CCDC85A: variants seen among roughly 807,000 people sequenced by gnomAD.
CCDC85A encodes the protein coiled-coil domain containing 85A.
Under a neutral mutation model 50.2 loss-of-function variants are expected in CCDC85A, and 38 were observed. The ratio of observed to expected loss-of-function variants is 0.76; its 90% CI spans 0.58 to 0.99. CCDC85A has a LOEUF of 0.99. Among genes scored for constraint, CCDC85A ranks in the 50% least tolerant of loss-of-function variants. The probability of loss-of-function intolerance (pLI) is 0.00; values close to 1 mark genes in which losing one functional copy is unlikely to be tolerated. For missense variants in CCDC85A, 820 were observed against 742.0 expected (o/e 1.11, Z -1.22); for synonymous variants, 366 against 301.4 (o/e 1.21, Z -2.22).
At chr2:56,281,430 A>T (rs1398652963) in intron 2 of CCDC85A, among the ~76,000 whole-genome samples, 1 of 152,084 alleles carries the variant, frequency 6.6e-6, no homozygotes, top group East Asian at 1.9e-4. Context: ...TTTCTTCTGG[A>T]TGAGTACCTA....
chr2:56,199,215 C>G (rs574601954), intron 2 of CCDC85A, among the ~76,000 whole-genome samples: 3 of 152,188 alleles, frequency 2.0e-5, no homozygotes, highest in Admixed American at 2.0e-4. Context: ...GAATCAGACA[C>G]GTGAATACAA....
rs745748982 is a variant in CCDC85A at position 56,193,292 on chromosome 2, A to G, written c.1092A>G (p.Gln364=). 9 of 1,613,654 alleles carry G rather than the reference A, an allele frequency of 5.6e-6. No homozygotes were observed. The highest frequency in any genetic ancestry group is 4.5e-5 in the East Asian group (2 of 44,874). ...ARGTSPEHLK[Q]HYGGSPDHKH... Reference sequence around the variant, plus strand: ...GCACCAGCCCGGAGCACCTCAAACAACATTATGGAGGGAGCCCTGATCACA... The same window carrying G: ...GCACCAGCCCGGAGCACCTCAAACAGCATTATGGAGGGAGCCCTGATCACA... Residue 364 remains glutamine, a synonymous_variant, in exon 2 of 6, where the codon CAA becomes CAG. Transcript: ENST00000407595.
At chr2:56,305,563 C>G (rs922656980) in intron 2 of CCDC85A, among the ~76,000 whole-genome samples, 8 of 152,220 alleles carry the variant, frequency 5.3e-5, no homozygotes, top group Admixed American at 5.2e-4. Context: ...GGCAAGGGCA[C>G]AGCCCATAGA....
chr2:56,342,155 CA>C (rs1284270090), intron 2 of CCDC85A, among the ~76,000 whole-genome samples: 4 of 150,722 alleles, frequency 2.7e-5, no homozygotes, highest in Non-Finnish European at 2.9e-5. Flanking sequence ...GGTTGGTGTG[CA>C]AAAAGCCTGC....
chr2:56,201,259 C>T (rs895085188), intron 2 of CCDC85A, among the ~76,000 whole-genome samples: 2 of 152,126 alleles, frequency 1.3e-5, no homozygotes, highest in Non-Finnish European at 2.9e-5. Flanking sequence ...AAAGTAAGTC[C>T]TTTAAAAATT....
chr2:56,204,428 T>G (rs1558582833), intron 2 of CCDC85A, among the ~76,000 whole-genome samples: 1 of 152,198 alleles, frequency 6.6e-6, no homozygotes. Context: ...GAAAGTCTGA[T>G]TTCACACAGG....
At chr2:56,242,572 C>A (rs930967369) in intron 2 of CCDC85A, among the ~76,000 whole-genome samples, 10 of 152,174 alleles carry the variant, frequency 6.6e-5, no homozygotes, top group African/African-American at 2.2e-4. Context: ...CATGAGGGAT[C>A]TGCCCCATGA....
intron 2 of CCDC85A, among the ~76,000 whole-genome samples, chr2:56,248,000 G>A (rs1669585587): frequency 6.6e-6 from 1 of 152,290 alleles, no homozygotes; most frequent in Admixed American, 6.5e-5. Flanking sequence ...CTTGTCAGGG[G>A]CCCCATGCTT....
intron 2 of CCDC85A, among the ~76,000 whole-genome samples, chr2:56,282,758 C>T (rs1671263014): frequency 1.3e-5 from 2 of 152,230 alleles, no homozygotes; most frequent in African/African-American, 2.4e-5. Flanking sequence ...GATCCTCTCG[C>T]CTCGGCCTCC....
At chr2:56,336,834 A>G (rs1408658432) in intron 2 of CCDC85A, among the ~76,000 whole-genome samples, 1 of 152,236 alleles carries the variant, frequency 6.6e-6, no homozygotes, top group African/African-American at 2.4e-5. Context: ...TTGTCTGAGG[A>G]AATATCAAGT....
chr2:56,276,572 C>T (rs968681350), intron 2 of CCDC85A, among the ~76,000 whole-genome samples: 1 of 152,146 alleles, frequency 6.6e-6, no homozygotes, highest in African/African-American at 2.4e-5. Context: ...CTCTCATTCT[C>T]TCTCTTGCCG....
intron 2 of CCDC85A, among the ~76,000 whole-genome samples, chr2:56,201,546 CT>C (rs1676749412): frequency 6.6e-6 from 1 of 152,248 alleles, no homozygotes; most frequent in Admixed American, 6.5e-5. Flanking sequence ...AGGGAAACCC[CT>C]GATCTAGGCT....
Position 56,319,226 on chromosome 2 carries a change from T to C in CCDC85A, c.1241-23653T>C, listed in dbSNP as rs74523075. Among the ~76,000 whole-genome samples the C allele has an allele frequency of 9.3e-3, 1,423 of 152,198 alleles. 19 individuals are homozygous for C. The highest frequency in any genetic ancestry group is 0.032 in the African/African-American group (1,333 of 41,534). ...CTGTACAACAACCTTGTGGTGTAGGTACTGTTATTAACCCATTTTTCAAAT... is the reference window on the plus strand; with the variant it reads ...CTGTACAACAACCTTGTGGTGTAGGCACTGTTATTAACCCATTTTTCAAAT... On this transcript the variant is annotated intron_variant, in intron 2 of 5. Transcript: ENST00000407595.
At chr2:56,285,348 C>T (rs1034050108) in intron 2 of CCDC85A, among the ~76,000 whole-genome samples, 1 of 150,738 alleles carries the variant, frequency 6.6e-6, no homozygotes, top group African/African-American at 2.4e-5. Flanking sequence ...AAGTGATCCA[C>T]CTACCTTGGC....
chr2:56,293,805 A>G (rs1573194115), intron 2 of CCDC85A, among the ~76,000 whole-genome samples: 1 of 152,330 alleles, frequency 6.6e-6, no homozygotes, highest in East Asian at 1.9e-4. Flanking sequence ...TCAAAAAACA[A>G]CAGATGCTGG....
At chr2:56,363,001 T>A (rs1182865686) in intron 3 of CCDC85A, among the ~76,000 whole-genome samples, 1 of 152,182 alleles carries the variant, frequency 6.6e-6, no homozygotes, top group Non-Finnish European at 1.5e-5. Flanking sequence ...CAAAGATGTT[T>A]TATATTTTGT....
intron 2 of CCDC85A, among the ~76,000 whole-genome samples, chr2:56,244,654 A>G (rs1363442354): frequency 1.3e-5 from 2 of 151,022 alleles, no homozygotes; most frequent in East Asian, 4.0e-4. Flanking sequence ...TGCAGTCTGA[A>G]TATGCTGTGA....
At position 56,280,270 on chromosome 2, in the gene CCDC85A, A is replaced by G. The variant is rs575277594; in HGVS notation, c.1241-62609A>G. 4.6e-5 allele frequency among the ~76,000 whole-genome samples: 7 copies of G among 152,300 alleles called. No individual in the cohort carries two copies. In the East Asian group the frequency reaches 1.3e-3, roughly 29 times the overall value. On this transcript the variant is annotated intron_variant, in intron 2 of 5. Transcript: ENST00000407595. The stretch of plus-strand genomic sequence containing the variant: ...TTCCTTCTTTACTTCAAGGTTTTGC[A>G]GCTCAGCTAGAGTCATTACCCTTTT...
rs899725886 is a variant in CCDC85A, at chr2:56,271,782, A to C, written c.1241-71097A>C. ...AGCACCAGGTCAGGAAGCTAAGTCAAGTACTGGCTGCTTAGAGTAAGCTCA... is the reference window on the plus strand; with the variant it reads ...AGCACCAGGTCAGGAAGCTAAGTCACGTACTGGCTGCTTAGAGTAAGCTCA... On this transcript the variant is annotated intron_variant, in intron 2 of 5. Transcript: ENST00000407595. Among the ~76,000 whole-genome samples, 40 of 152,278 alleles carry C rather than the reference A, an allele frequency of 2.6e-4. 1 individual carries two copies. Among genetic ancestry groups the C allele is most frequent in the African/African-American group, 8.9e-4 (37 of 41,558 alleles).
Sources: gnomAD v4.1 joint callset for allele counts (sites outside exome capture counted in the v4.1 genomes callset) on GRCh38, gnomAD v4.1.1 for gene constraint, MANE v1.5 for transcripts, NCBI Gene and HGNC (gene_info 2026-07-23, HGNC 2026-07-21) for gene names.